Variants in LRIF1 observed in about 807,000 individuals in gnomAD.
The protein encoded by LRIF1 is ligand-dependent nuclear receptor-interacting factor 1.
LRIF1 carries 32 observed loss-of-function variants against 52.7 expected under a neutral mutation model. The ratio of observed to expected loss-of-function variants is 0.61; its 90% confidence interval spans 0.46 to 0.82. The LOEUF (loss-of-function observed/expected upper bound fraction) is 0.82. Ranked by LOEUF, LRIF1 falls within the 40% of genes least tolerant of loss-of-function variation. LRIF1 has a pLI of 0.00. For synonymous variants in LRIF1, 323 were observed against 317.4 expected, an observed-to-expected ratio of 1.02 and a Z score of -0.19; for missense variants, 887 against 892.0, an observed-to-expected ratio of 0.99 and a Z score of 0.07.
In LRIF1 at chr1:110,949,929, GA is replaced by G; in HGVS notation, c.1790del (p.Phe597SerfsTer8). The G allele has an allele frequency of 6.2e-7, 1 of 1,614,012 alleles. No individual in the cohort carries two copies. The highest frequency in any genetic ancestry group is 8.5e-7 in the Non-Finnish European group (1 of 1,179,996). On this transcript the variant is annotated frameshift_variant, in exon 3 of 4. Coordinates refer to ENST00000369763, the MANE Select transcript of LRIF1 (RefSeq NM_018372.4). LOFTEE classifies it high-confidence loss of function. ...TCTTTACCAAACTGCTAAAGGAATC[GA>G]AACCTTCTCCAGAGGTCAAATGGTC... ...IPDHLTSGEG[F>X]DSFSSLVKSG...
chr1:110,949,327 C>G (rs1418768845), intron 3 of LRIF1, among the ~76,000 whole-genome samples: 1 of 151,416 alleles, frequency 6.6e-6, no homozygotes, highest in African/African-American at 2.4e-5. Context: ...ACCATGTTGG[C>G]CAAGATGGTC....
At chr1:110,878,941 A>T in the LRIF1 span, among the ~76,000 whole-genome samples, 2 of 152,156 alleles carry the variant, frequency 1.3e-5, no homozygotes, top group African/African-American at 4.8e-5. Context: ...TTTATCTTTT[A>T]TTACTGAAAT....
intron 1 of LRIF1, among the ~76,000 whole-genome samples, chr1:110,957,803 C>T (rs1002320207): frequency 6.6e-6 from 1 of 152,198 alleles, no homozygotes; most frequent in African/African-American, 2.4e-5. Context: ...ACTTTAAATT[C>T]ATCCACAGAA....
At chr1:110,943,084 C>A (rs1197403149), downstream of LRIF1, among the ~76,000 whole-genome samples, 1 of 151,776 alleles carries the variant, frequency 6.6e-6, no homozygotes, top group Non-Finnish European at 1.5e-5. Context: ...TTATTATGTC[C>A]CTGAAGCAGA....
At chr1:110,939,814 G>C in the LRIF1 span, 1 of 151,908 alleles carries the variant, frequency 6.6e-6, no homozygotes, top group Non-Finnish European at 1.5e-5. Context: ...CCTATTTCTC[G>C]CCATATACAA....
the LRIF1 span, among the ~76,000 whole-genome samples, chr1:110,909,939 A>G: frequency 0.056 from 8,448 of 152,100 alleles, 285 homozygotes; most frequent in East Asian, 0.14. Flanking sequence ...ATCAAAAAGG[A>G]CATTATATAA....
the LRIF1 span, among the ~76,000 whole-genome samples, chr1:110,915,518 T>TAAA: frequency 6.6e-6 from 1 of 151,662 alleles, no homozygotes; most frequent in Admixed American, 6.6e-5. Context: ...AATAAATAAA[T>TAAA]TTACTTACTA....
chr1:110,885,377 AAATACAAAAAATT>A, the LRIF1 span, among the ~76,000 whole-genome samples: 1 of 152,042 alleles, frequency 6.6e-6, no homozygotes, highest in South Asian at 2.1e-4. Context: ...TCTCTATTAA[AAATACAAAAAATT>A]AGCTGGACGT....
At chr1:110,875,558 G>C in the LRIF1 span, among the ~76,000 whole-genome samples, 2 of 152,148 alleles carry the variant, frequency 1.3e-5, no homozygotes, top group African/African-American at 4.8e-5. Flanking sequence ...TTTGTTCTGC[G>C]TCCCTAGATT....
At chr1:110,928,446 A>G in the LRIF1 span, among the ~76,000 whole-genome samples, 2 of 152,304 alleles carry the variant, frequency 1.3e-5, no homozygotes, top group African/African-American at 4.8e-5. Flanking sequence ...TCATGTGACT[A>G]TTTATGCCTT....
At chr1:110,895,093 C>T in the LRIF1 span, 1 of 1,465,336 alleles carries the variant, frequency 6.8e-7, no homozygotes, top group East Asian at 2.3e-5. Context: ...TCAGCCCAGA[C>T]TTCATTTTCA....
the LRIF1 span, among the ~76,000 whole-genome samples, chr1:110,917,635 TTTTTTTGTTTTTG>T: frequency 2.9e-4 from 25 of 86,748 alleles, no homozygotes; most frequent in East Asian, 3.8e-3. Context: ...ATTTTTTTTG[TTTTTTTGTTTTTG>T]TTTTTTTTTT....
the LRIF1 span, among the ~76,000 whole-genome samples, chr1:110,906,651 T>G: frequency 6.6e-6 from 1 of 152,168 alleles, no homozygotes; most frequent in Non-Finnish European, 1.5e-5. Flanking sequence ...TGATTGGAAT[T>G]CTAAAGAAGA....
the LRIF1 span, among the ~76,000 whole-genome samples, chr1:110,905,094 T>TA: frequency 2.6e-5 from 4 of 151,832 alleles, no homozygotes; most frequent in Non-Finnish European, 5.9e-5. Context: ...AGAGGAGATT[T>TA]AAAAAAAGAA....
the LRIF1 span, among the ~76,000 whole-genome samples, chr1:110,910,489 T>C: frequency 6.6e-6 from 1 of 152,040 alleles, no homozygotes; most frequent in Non-Finnish European, 1.5e-5. Flanking sequence ...TAATCCCAGC[T>C]ACTTGGGAGG....
intron 1 of LRIF1, among the ~76,000 whole-genome samples, chr1:110,960,285 G>A (rs1658895217): frequency 6.6e-6 from 1 of 152,114 alleles, no homozygotes; most frequent in Admixed American, 6.5e-5. Context: ...AGAGATTAAT[G>A]ACAGATTTCA....
chr1:110,940,983 G>A, the LRIF1 span: 1 of 152,006 alleles, frequency 6.6e-6, no homozygotes, highest in Non-Finnish European at 1.5e-5. Flanking sequence ...GAGTGTAACT[G>A]GATTTCTTGT....
chr1:110,914,284 G>A, the LRIF1 span, among the ~76,000 whole-genome samples: 119 of 151,972 alleles, frequency 7.8e-4, no homozygotes, highest in Non-Finnish European at 1.1e-3. Context: ...ACAAACCTGC[G>A]CATGTATCCC....
At chr1:110,962,274 C>T (rs191053410) in intron 1 of LRIF1, among the ~76,000 whole-genome samples, 143 of 151,936 alleles carry the variant, frequency 9.4e-4, no homozygotes, top group Non-Finnish European at 1.8e-3. Context: ...CTCTCTGCCC[C>T]TTCCCCCAAA....
Sources: gnomAD v4.1 joint callset for allele counts (sites outside exome capture counted in the v4.1 genomes callset) on GRCh38, gnomAD v4.1.1 for gene constraint, MANE v1.5 for transcripts, NCBI Gene and HGNC (gene_info 2026-07-23, HGNC 2026-07-21) for gene names.